MCM9: variants seen among roughly 807,000 people sequenced by gnomAD.
MCM9 encodes the protein minichromosome maintenance 9 homologous recombination repair factor, also known as DNA helicase MCM9.
A neutral mutation model predicts 72.8 loss-of-function variants in MCM9; 55 were observed. That is an observed-to-expected ratio of 0.76 (90% CI 0.61 to 0.95). The LOEUF (loss-of-function observed/expected upper bound fraction) is 0.95. MCM9 is among the 40% of genes least tolerant of loss of function. The pLI, the probability that MCM9 is intolerant of heterozygous loss-of-function variation, is 0.00. For synonymous variants in MCM9, 480 were observed against 503.4 expected, an observed-to-expected ratio of 0.95 and a Z score of 0.62; for missense variants, 1,279 against 1,377.0, an observed-to-expected ratio of 0.93 and a Z score of 1.13.
At chr6:118,890,490 C>T (rs1021043088) in intron 8 of MCM9, among the ~76,000 whole-genome samples, 2 of 152,194 alleles carry the variant, frequency 1.3e-5, no homozygotes, top group Non-Finnish European at 1.5e-5. Context: ...TAACTGGTTA[C>T]AGGTGCATCT....
chr6:118,833,365 G>A lies in MCM9; in HGVS notation c.1326-4115C>T, dbSNP rs142866510. Among the ~76,000 whole-genome samples the A allele has an allele frequency of 3.0e-3, 464 of 152,196 alleles. 1 individual carries two copies. Among genetic ancestry groups the A allele is most frequent in the Non-Finnish European group, 5.2e-3 (357 of 68,010 alleles). On this transcript the variant is annotated intron_variant, in intron 9 of 13. Transcript: ENST00000619706. ...ACAGTAAGAAGCAAAATTGAAAAAAGCTTGAACAAAGGCCCAGTAAATTTT... is the reference window on the plus strand; with the variant it reads ...ACAGTAAGAAGCAAAATTGAAAAAAACTTGAACAAAGGCCCAGTAAATTTT...
At chr6:118,855,678 C>T (rs1210758130) in intron 9 of MCM9, among the ~76,000 whole-genome samples, 2 of 152,188 alleles carry the variant, frequency 1.3e-5, no homozygotes, top group Non-Finnish European at 2.9e-5. Flanking sequence ...GCTTCACATC[C>T]ATAATAGCAG....
intron 8 of MCM9, among the ~76,000 whole-genome samples, chr6:118,877,037 G>GAA (rs1777974648): frequency 6.6e-6 from 1 of 152,102 alleles, no homozygotes; most frequent in African/African-American, 2.4e-5. Flanking sequence ...TGTTTTCTTG[G>GAA]AATGCTAGAT....
Position 118,814,226 on chromosome 6 carries a change from AT to A in MCM9, c.*597del, listed in dbSNP as rs1487419221. 1 of 152,192 alleles carries A rather than the reference AT, an allele frequency of 6.6e-6. No homozygotes were observed. The highest frequency in any genetic ancestry group is 1.5e-5 in the Non-Finnish European group (1 of 68,038). 9.4% of individuals were successfully genotyped at this position (152,192 alleles called of 1,614,324 possible). The stretch of plus-strand genomic sequence containing the variant: ...GACCAGTGGCCAGATCTCTAAGAAC[AT>A]CATGGAATTGTAAGGATACCTCTCA... On this transcript the variant is annotated 3_prime_UTR_variant, in exon 14 of 14. Transcript: ENST00000619706.
chr6:118,827,755 T>C (rs1774258748), intron 11 of MCM9, among the ~76,000 whole-genome samples, 172 bp downstream of exon 11: 1 of 152,190 alleles, frequency 6.6e-6, no homozygotes, highest in Non-Finnish European at 1.5e-5. Context: ...ATACTCATAA[T>C]CTGTCCTCAG....
rs1224316216 is a variant in MCM9, at chr6:118,909,066, TTC to T, written c.1150+2582_1150+2583del. ...TTCATAGATTTTAAAAGTAAAATAC[TTC>T]TGACTGTTAAAACTATATAAAGAAA... On this transcript the variant is annotated intron_variant, in intron 8 of 13. Transcript: ENST00000619706. 16 of 152,366 alleles carry T rather than the reference TTC, an allele frequency of 1.1e-4. 1 individual carries two copies. The South Asian group carries it at 2.5e-3, about 24-fold the overall frequency. The allele number at this position is 152,366 out of a possible 1,614,324, so 9.4% of individuals were successfully genotyped here. A position where few individuals can be genotyped will look rare whatever the true frequency, so the allele number is the denominator to read the frequency against.
chr6:118,900,815 C>A, intron 8 of MCM9: 1 of 1,613,756 alleles, frequency 6.2e-7, no homozygotes, highest in Non-Finnish European at 8.5e-7. Context: ...GTGAAGAATA[C>A]GATCAAGTTT....
At chr6:118,926,324 A>G (rs774170603) in intron 3 of MCM9, among the ~76,000 whole-genome samples, 4 of 152,226 alleles carry the variant, frequency 2.6e-5, no homozygotes, top group East Asian at 1.9e-4. Flanking sequence ...GAATACTAAC[A>G]TTAGCCTACA....
intron 8 of MCM9, among the ~76,000 whole-genome samples, chr6:118,909,962 C>G (rs951461291): frequency 6.6e-6 from 1 of 151,842 alleles, no homozygotes; most frequent in Non-Finnish European, 1.5e-5. Context: ...ACTAAAAATA[C>G]AAAAATTAGC....
chr6:118,851,367 A>G (rs989469927), intron 9 of MCM9, among the ~76,000 whole-genome samples: 2 of 151,834 alleles, frequency 1.3e-5, no homozygotes, highest in African/African-American at 4.9e-5. Flanking sequence ...ATCAAGAAAA[A>G]AGAAACCTTT....
At chr6:118,882,789 A>C (rs368933550) in intron 8 of MCM9, among the ~76,000 whole-genome samples, 1 of 152,210 alleles carries the variant, frequency 6.6e-6, no homozygotes, top group East Asian at 1.9e-4. Flanking sequence ...ACAGACTTCA[A>C]GAAATGAACC....
In MCM9 at chr6:118,892,583, G is replaced by C. The variant is rs753556182; in HGVS notation, c.1150+19067C>G. On this transcript the variant is annotated intron_variant, in intron 8 of 13. Transcript: ENST00000619706. ...ATGGTCATTTTATCTTACATATACA[G>C]AGTGTCTTACAGCATACAGCAATTT... Among the ~76,000 whole-genome samples the C allele has an allele frequency of 2.0e-5, 3 of 152,128 alleles. No individual in the cohort carries two copies. In the South Asian group the frequency reaches 6.2e-4, roughly 32 times the overall value.
chr6:118,885,565 T>G (rs1391365109), intron 8 of MCM9, among the ~76,000 whole-genome samples: 2 of 152,104 alleles, frequency 1.3e-5, no homozygotes, highest in Non-Finnish European at 2.9e-5. Context: ...ATTAAGTAAC[T>G]TAGATGAAAC....
chr6:118,856,249 G>T, intron 9 of MCM9, 122 bp downstream of exon 9: 2 of 878,806 alleles, frequency 2.3e-6, no homozygotes, highest in Non-Finnish European at 3.3e-6. Context: ...TGTCTTGAAG[G>T]GTGGTAACTG....
chr6:118,821,122 C>A (rs145131037), intron 13 of MCM9, among the ~76,000 whole-genome samples: 1 of 152,156 alleles, frequency 6.6e-6, no homozygotes, highest in South Asian at 2.1e-4. Flanking sequence ...AGCCCATTTA[C>A]ATTTAAGGTT....
At chr6:118,867,100 A>G (rs1027721990) in intron 8 of MCM9, among the ~76,000 whole-genome samples, 4 of 152,170 alleles carry the variant, frequency 2.6e-5, no homozygotes, top group African/African-American at 7.2e-5. Flanking sequence ...CTTTTAAAAA[A>G]AGGGGGTGAT....
At chr6:118,861,332 G>A (rs1776891422) in intron 8 of MCM9, among the ~76,000 whole-genome samples, 1 of 152,220 alleles carries the variant, frequency 6.6e-6, no homozygotes, top group South Asian at 2.1e-4. Context: ...CAATGTTTGG[G>A]CAGCTAAAAG....
At chr6:118,828,267 C>A in intron 10 of MCM9, 137 bp from the exon 11 acceptor site, 3 of 674,542 alleles carry the variant, frequency 4.4e-6, no homozygotes, top group Non-Finnish European at 7.6e-6. Flanking sequence ...CTAGACTTGT[C>A]TGCATAGCAT....
At chr6:118,909,989 C>T (rs1780423296) in intron 8 of MCM9, among the ~76,000 whole-genome samples, 1 of 151,626 alleles carries the variant, frequency 6.6e-6, no homozygotes, top group African/African-American at 2.4e-5. Context: ...CGGTGGTGCA[C>T]ATCTGTAATC....
Sources: gnomAD v4.1 joint callset for allele counts (sites outside exome capture counted in the v4.1 genomes callset) on GRCh38, gnomAD v4.1.1 for gene constraint, MANE v1.5 for transcripts, NCBI Gene and HGNC (gene_info 2026-07-23, HGNC 2026-07-21) for gene names.